Variants in DLG1 observed in about 807,000 individuals in gnomAD.
DLG1 encodes the protein discs large MAGUK scaffold protein 1.
Under a neutral mutation model 123.4 loss-of-function variants are expected in DLG1, and 42 were observed. The observed-to-expected ratio is 0.34, with a 90% CI of 0.27 to 0.44. DLG1 has a LOEUF of 0.44. Among genes scored for constraint, DLG1 ranks in the 20% least tolerant of loss-of-function variants. The pLI is 1.00. For missense variants in DLG1, 942 were observed against 1,082.6 expected (o/e 0.87, Z 1.82); for synonymous variants, 317 against 356.2 (o/e 0.89, Z 1.24).
chr3:197,185,653 T>C (rs1490989489), intron 5 of DLG1, among the ~76,000 whole-genome samples: 1 of 152,104 alleles, frequency 6.6e-6, no homozygotes, highest in Admixed American at 6.5e-5. Context: ...ACCTGATTAG[T>C]GTGGTTTATA....
intron 4 of DLG1, among the ~76,000 whole-genome samples, chr3:197,201,987 C>A (rs1725985306): frequency 6.8e-6 from 1 of 147,790 alleles, no homozygotes; most frequent in Admixed American, 6.8e-5. Flanking sequence ...ACAATGCAGA[C>A]TTGCAGGGGT....
At chr3:197,073,162 G>A (rs542411805) in intron 18 of DLG1, among the ~76,000 whole-genome samples, 49 of 152,174 alleles carry the variant, frequency 3.2e-4, no homozygotes, top group Non-Finnish European at 5.3e-4. Flanking sequence ...CATCTTATTC[G>A]TAATGCAAAT....
chr3:197,051,771 T>G, intron 23 of DLG1, 103 bp from the exon 24 acceptor site: 1 of 836,682 alleles, frequency 1.2e-6, no homozygotes, highest in African/African-American at 1.7e-5. Flanking sequence ...TCATGAAAAG[T>G]TGAACTCTGC....
chr3:197,142,675 T>C, intron 7 of DLG1, 43 bp downstream of exon 7: 4 of 1,454,128 alleles, frequency 2.8e-6, no homozygotes, highest in Non-Finnish European at 2.8e-6. Context: ...AGCAGTATAT[T>C]ACAAAGTTCT....
At chr3:197,265,358 G>C (rs1014163299) in intron 4 of DLG1, among the ~76,000 whole-genome samples, 2 of 152,174 alleles carry the variant, frequency 1.3e-5, no homozygotes, top group African/African-American at 4.8e-5. Flanking sequence ...TCAGACACTG[G>C]ACCCTGTGAG....
intron 15 of DLG1, among the ~76,000 whole-genome samples, chr3:197,088,163 T>TAAA (rs1755536662): frequency 6.6e-6 from 1 of 152,166 alleles, no homozygotes; most frequent in South Asian, 2.1e-4. Context: ...TCCATTATCT[T>TAAA]CATTTCTCTA....
chr3:197,126,232 T>C (rs1779014035), intron 11 of DLG1, among the ~76,000 whole-genome samples: 1 of 151,994 alleles, frequency 6.6e-6, no homozygotes. Flanking sequence ...TCCCAGCGCT[T>C]TGGGAGGCCG....
At chr3:197,235,146 T>C (rs1027692640) in intron 4 of DLG1, among the ~76,000 whole-genome samples, 13 of 152,138 alleles carry the variant, frequency 8.5e-5, no homozygotes, top group African/African-American at 2.7e-4. Context: ...AAGTGAGCTC[T>C]ACGATCTTCC....
chr3:197,207,211 CAA>C (rs1729018238), intron 4 of DLG1, among the ~76,000 whole-genome samples: 1 of 152,118 alleles, frequency 6.6e-6, no homozygotes, highest in Non-Finnish European at 1.5e-5. Flanking sequence ...GCTCTTTACG[CAA>C]AGTTACACAA....
At chr3:197,217,815 C>T (rs1734876423) in intron 4 of DLG1, among the ~76,000 whole-genome samples, 1 of 152,126 alleles carries the variant, frequency 6.6e-6, no homozygotes, top group African/African-American at 2.4e-5. Context: ...TGAAAAGCAG[C>T]TTTGGAAAAT....
intron 5 of DLG1, 48 bp from the exon 6 acceptor site, chr3:197,149,844 A>C (rs377547683): frequency 8.2e-6 from 9 of 1,095,188 alleles, no homozygotes; most frequent in Non-Finnish European, 1.3e-5. Context: ...AAAACATTAC[A>C]TGTTCATGTT....
intron 11 of DLG1, among the ~76,000 whole-genome samples, chr3:197,124,696 C>A (rs1778144715): frequency 6.6e-6 from 1 of 152,114 alleles, no homozygotes; most frequent in Non-Finnish European, 1.5e-5. Flanking sequence ...CCTGCCTCAG[C>A]CTGCCAAATA....
At chr3:197,172,188 T>C (rs1480289056) in intron 5 of DLG1, among the ~76,000 whole-genome samples, 2 of 152,182 alleles carry the variant, frequency 1.3e-5, no homozygotes, top group African/African-American at 2.4e-5. Context: ...ATAGCCATTG[T>C]AATGCTGCAG....
chr3:197,131,915 TTTTC>T (rs1361889446), intron 10 of DLG1, among the ~76,000 whole-genome samples: 1 of 150,256 alleles, frequency 6.7e-6, no homozygotes, highest in African/African-American at 2.5e-5. Context: ...TCTAATCTGA[TTTTC>T]TTTTTCTTTT....
At position 197,140,129 on chromosome 3, in the gene DLG1, G is replaced by T. The variant is rs371223139; in HGVS notation, c.713+11C>A. 1.7e-5 allele frequency: 28 copies of T among 1,610,496 alleles called. No individual in the cohort carries two copies. The highest frequency in any genetic ancestry group is 2.3e-5 in the Non-Finnish European group (27 of 1,178,162). ...TGGATTCAGCATCACAATAAAAAGC[G>T]CAAAACATACCGCAATCTTCCATCT... On this transcript the variant is annotated intron_variant, in intron 8 of 24. Transcript: ENST00000667157.
intron 5 of DLG1, among the ~76,000 whole-genome samples, chr3:197,174,843 T>C (rs974448581): frequency 2.6e-5 from 4 of 152,214 alleles, no homozygotes; most frequent in Non-Finnish European, 5.9e-5. Context: ...CAATTCTTTT[T>C]CTCAGAACAA....
intron 6 of DLG1, among the ~76,000 whole-genome samples, chr3:197,146,649 C>T (rs889755234): frequency 6.6e-6 from 1 of 152,160 alleles, no homozygotes; most frequent in African/African-American, 2.4e-5. Context: ...AACATCAACT[C>T]AAAATGGATC....
At chr3:197,237,655 G>T (rs1746689576) in intron 4 of DLG1, among the ~76,000 whole-genome samples, 1 of 152,188 alleles carries the variant, frequency 6.6e-6, no homozygotes, top group African/African-American at 2.4e-5. Context: ...TTAAGGAGCT[G>T]GGACATTTGT....
At chr3:197,080,267 CTTTTTTTTTTTTT>C (rs767056279) in intron 17 of DLG1, among the ~76,000 whole-genome samples, 3 of 51,870 alleles carry the variant, frequency 5.8e-5, no homozygotes, top group Admixed American at 3.7e-4. Context: ...GATATATTTC[CTTTTTTTTTTTTT>C]TTTTTTTTTT....
Sources: allele counts gnomAD v4.1 joint callset (sites outside exome capture counted in the v4.1 genomes callset), GRCh38; gene constraint gnomAD v4.1.1; transcripts MANE v1.5; gene names NCBI Gene and HGNC (gene_info 2026-07-23, HGNC 2026-07-21).